LRRC27: variants seen among roughly 807,000 people sequenced by gnomAD.
LRRC27 encodes leucine rich repeat containing 27, also known as leucine-rich repeat-containing protein 27.
LRRC27 carries 57 observed loss-of-function variants against 55.0 expected under a neutral mutation model. That is an observed-to-expected ratio of 1.04 (90% CI 0.84 to 1.29). The LOEUF (loss-of-function observed/expected upper bound fraction) is 1.29, where lower values mean the gene tolerates loss of function less well. LRRC27 is among the 50% of genes most tolerant of loss of function. LRRC27 has a pLI of 0.00. For missense variants in LRRC27, 721 were observed against 651.5 expected, an observed-to-expected ratio of 1.11 and a Z score of -1.16; for synonymous variants, 278 against 251.9, an observed-to-expected ratio of 1.10 and a Z score of -0.98.
chr10:132,337,193 TG>T, intron 2 of LRRC27: 2 of 1,171,998 alleles, frequency 1.7e-6, no homozygotes, highest in Non-Finnish European at 2.1e-6. Flanking sequence ...TTTCGGGGGC[TG>T]CCGAGGGCCA....
At position 132,374,008 on chromosome 10, in the gene LRRC27, C is replaced by T. The variant is rs2069281952; in HGVS notation, c.1417-1058C>T. 1.3e-5 allele frequency among the ~76,000 whole-genome samples: 2 copies of T among 152,238 alleles called. No individual in the cohort carries two copies. The highest frequency in any genetic ancestry group is 2.1e-4 in the South Asian group (1 of 4,822). ...CATTGACCAAGTCGCAGAGCTGAGC[C>T]GTGAGTGCTGCTCTAGCCCACAGTT... On this transcript the variant is annotated intron_variant, in intron 10 of 10. Coordinates refer to ENST00000368614, the MANE Select transcript of LRRC27 (RefSeq NM_030626.3). This position sits in a 1 kb window ranked among gnomAD's most constrained non-coding sequence, Gnocchi z 4.4.
intron 7 of LRRC27, 134 bp downstream of exon 7, chr10:132,351,887 G>T (rs943911123): frequency 8.9e-7 from 1 of 1,121,168 alleles, no homozygotes; most frequent in African/African-American, 1.6e-5. Flanking sequence ...TCCAGGATCC[G>T]TCTCTTCCTC....
chr10:132,331,808 C>A (rs369101139), upstream of LRRC27: 2 of 1,587,858 alleles, frequency 1.3e-6, no homozygotes, highest in South Asian at 1.1e-5. Context: ...ACTTGCCCGT[C>A]GACCACCACC....
At position 132,344,494 on chromosome 10, in the gene LRRC27, G is replaced by A; in HGVS notation, c.401-4G>A. On this transcript the variant is annotated splice_region_variant and splice_polypyrimidine_tract_variant and intron_variant, in intron 4 of 10. Transcript: ENST00000368614. ...GCTGACAGTTTTTTTTTCCTCCACT[G>A]CAGGGAGCGTAACCACGCTGAAAGC... is the stretch of plus-strand genomic sequence containing the variant. The A allele has an allele frequency of 6.2e-7, 1 of 1,605,856 alleles. No individual in the cohort carries two copies. Among genetic ancestry groups the A allele is most frequent in the Non-Finnish European group, 8.5e-7 (1 of 1,174,614 alleles).
At chr10:132,353,040 C>T in intron 7 of LRRC27, 2 of 1,570,722 alleles carry the variant, frequency 1.3e-6, no homozygotes. Flanking sequence ...TCCTCCAGCT[C>T]CACTGACCAC....
chr10:132,336,366 C>T (rs1316482513), intron 2 of LRRC27, among the ~76,000 whole-genome samples: 1 of 152,230 alleles, frequency 6.6e-6, no homozygotes, highest in African/African-American at 2.4e-5. Flanking sequence ...TGCCAGGATG[C>T]TTTCTGGAGA....
rs1207078975 is a variant in LRRC27, at chr10:132,365,453, A to C, written c.1319A>C (p.Lys440Thr). 8.1e-6 allele frequency: 13 copies of C among 1,613,766 alleles called. No individual in the cohort carries two copies. Among genetic ancestry groups the C allele is most frequent in the Non-Finnish European group, 1.1e-5 (13 of 1,179,976 alleles). Residue 440 changes from lysine (K) to threonine (T), a missense_variant, in exon 10 of 11, where the codon AAG (lysine) becomes ACG (threonine). Coordinates refer to ENST00000368614, the MANE Select transcript of LRRC27 (RefSeq NM_030626.3). ...SALQERNLEE[K>T]IKQHVLQMRE... The stretch of plus-strand genomic sequence containing the variant: ...CTGCAGGAGAGAAATTTAGAAGAGA[A>C]GATAAAACAGCACGTCCTCCAAATG...
At position 132,379,060 on chromosome 10, in the gene LRRC27, C is replaced by T. The variant is rs2069377296; in HGVS notation, c.*3818C>T. 6.8e-6 allele frequency: 1 copy of T among 147,642 alleles called. No homozygotes were observed. Among genetic ancestry groups the T allele is most frequent in the African/African-American group, 2.6e-5 (1 of 39,158 alleles). The allele number at this position is 147,642 out of a possible 1,614,324, so 9.1% of individuals were successfully genotyped here. On this transcript the variant is annotated 3_prime_UTR_variant, in exon 11 of 11. Transcript: ENST00000368614. ...TGGTGTCAGATCCCATCCTGCTCAT[C>T]TCCAGCATTTCCTCTCACCTCTGTG...
rs187817528 is a variant in LRRC27, at chr10:132,356,244, A to C, written c.1170+358A>C. On this transcript the variant is annotated intron_variant, in intron 8 of 10. Coordinates refer to ENST00000368614, the MANE Select transcript of LRRC27 (RefSeq NM_030626.3). ...AGGCGGAAGAGGAGATGAGGGGAAA[A>C]GATTCAAAAGATAAAAAGCAGCTGA... 1.2e-4 allele frequency among the ~76,000 whole-genome samples: 19 copies of C among 152,356 alleles called. No homozygotes were observed. In the East Asian group the frequency reaches 3.5e-3, roughly 28 times the overall value.
rs751281636 is a variant in LRRC27, at chr10:132,337,649, C to T, written c.295C>T (p.Arg99Trp). 1.5e-5 allele frequency: 24 copies of T among 1,614,016 alleles called. No homozygotes were observed. The highest frequency in any genetic ancestry group is 5.3e-5 in the African/African-American group (4 of 74,918). ...LLPNLTWLDL[R>W]YNRIKALPSG... Reference sequence around the variant, plus strand: ...TCCGAACCTGACTTGGCTGGACCTCCGGTACAATAGAATTAAAGCGCTTCC... The same window carrying T: ...TCCGAACCTGACTTGGCTGGACCTCTGGTACAATAGAATTAAAGCGCTTCC... Residue 99 changes from arginine (R) to tryptophan (W), a missense_variant, in exon 3 of 11, where the codon CGG becomes TGG. Coordinates refer to ENST00000368614, the MANE Select transcript of LRRC27 (RefSeq NM_030626.3).
chr10:132,364,218 C>T (rs951324454), intron 9 of LRRC27, among the ~76,000 whole-genome samples: 5 of 151,970 alleles, frequency 3.3e-5, no homozygotes, highest in Admixed American at 6.5e-5. Context: ...CCGGCACAAA[C>T]CCTGCTGCTG....
chr10:132,340,673 C>G (rs1459240082), intron 3 of LRRC27, among the ~76,000 whole-genome samples: 1 of 152,092 alleles, frequency 6.6e-6, no homozygotes, highest in Non-Finnish European at 1.5e-5. Context: ...TCCTTAAAAA[C>G]TTCAAATAAT....
At chr10:132,356,223 G>T (rs1366424086) in intron 8 of LRRC27, among the ~76,000 whole-genome samples, 6 of 152,204 alleles carry the variant, frequency 3.9e-5, no homozygotes, top group Admixed American at 3.9e-4. Context: ...GAGGGAAGGC[G>T]GAAGAGGAGA....
chr10:132,361,209 T>G (rs2068599049), intron 8 of LRRC27, among the ~76,000 whole-genome samples: 1 of 147,858 alleles, frequency 6.8e-6, no homozygotes, highest in African/African-American at 2.4e-5. Flanking sequence ...ACTCTGCATC[T>G]TTACCTCCTA....
chr10:132,370,421 G>A (rs182817758), intron 10 of LRRC27, among the ~76,000 whole-genome samples: 1 of 152,186 alleles, frequency 6.6e-6, no homozygotes, highest in South Asian at 2.1e-4. Context: ...ATGCCCATGA[G>A]GTGGGTCCCT....
rs946765130 is a variant in LRRC27, at chr10:132,374,069, G to A, written c.1417-997G>A. Reference sequence around the variant, plus strand: ...GGCGGGGGAGGCTGCAGGGGTCTCCGGGGACCTGTTGTGATATGGCTGCAT... The same window carrying A: ...GGCGGGGGAGGCTGCAGGGGTCTCCAGGGACCTGTTGTGATATGGCTGCAT... On this transcript the variant is annotated intron_variant, in intron 10 of 10. Transcript: ENST00000368614. This position sits in a 1 kb window ranked among gnomAD's most constrained non-coding sequence, Gnocchi z 4.4. Among the ~76,000 whole-genome samples, 10 of 147,460 alleles carry A rather than the reference G, an allele frequency of 6.8e-5. No homozygotes were observed. The highest frequency in any genetic ancestry group is 2.3e-4 in the African/African-American group (9 of 39,838).
At chr10:132,363,645 C>T (rs770224814) in intron 9 of LRRC27, among the ~76,000 whole-genome samples, 46 of 152,182 alleles carry the variant, frequency 3.0e-4, no homozygotes, top group Non-Finnish European at 3.4e-4. Context: ...TCACTGAAAG[C>T]GCCTCACTGC....
At chr10:132,368,518 T>C (rs749044612) in intron 10 of LRRC27, among the ~76,000 whole-genome samples, 12 of 152,180 alleles carry the variant, frequency 7.9e-5, no homozygotes, top group Non-Finnish European at 1.5e-4. Flanking sequence ...TATAGTTAAC[T>C]GAGTTAACTG....
chr10:132,341,219 G>T (rs181878892), intron 3 of LRRC27, among the ~76,000 whole-genome samples: 27 of 151,820 alleles, frequency 1.8e-4, no homozygotes, highest in South Asian at 4.2e-4. Flanking sequence ...ATTAGTCTCA[G>T]CTTAGCCAGG....
Sources: gnomAD v4.1 joint callset for allele counts (sites outside exome capture counted in the v4.1 genomes callset) on GRCh38, gnomAD v4.1.1 for gene constraint, Gnocchi (gnomAD v3.1) non-coding constraint, MANE v1.5 for transcripts, NCBI Gene and HGNC (gene_info 2026-07-23, HGNC 2026-07-21) for gene names.